Variants in ZNF483 observed in about 807,000 individuals in gnomAD.
ZNF483 encodes the protein zinc finger protein 483.
Under a neutral mutation model 28.6 loss-of-function variants are expected in ZNF483, and 9 were observed. That is an observed-to-expected ratio of 0.32 (90% CI 0.19 to 0.55). The LOEUF (loss-of-function observed/expected upper bound fraction) is 0.55, where lower values mean the gene tolerates loss of function less well. ZNF483 is among the 20% of genes least tolerant of loss of function. ZNF483 has a pLI of 0.93. For synonymous variants in ZNF483, 322 were observed against 306.2 expected (o/e 1.05, Z -0.54); for missense variants, 675 against 871.7 (o/e 0.77, Z 2.84).
chr9:111,574,819 AGTG>A, intron 5 of ZNF483: 1 of 1,613,812 alleles, frequency 6.2e-7, no homozygotes, highest in Non-Finnish European at 8.5e-7. Context: ...GGCCGATAAC[AGTG>A]TTTGAAAACT....
chr9:111,560,984 G>T lies in ZNF483; in HGVS notation c.722-15381G>T, dbSNP rs541508463. On this transcript the variant is annotated intron_variant, in intron 5 of 5. Coordinates refer to the ZNF483 transcript ENST00000358151. ...ATATATATATATATATAGAGAGAGA[G>T]AGAGAGAGAGAGAGAGAGAGAGAGA... 2.1e-3 allele frequency among the ~76,000 whole-genome samples: 127 copies of T among 60,820 alleles called. 2 individuals carry two copies. Among genetic ancestry groups the T allele is most frequent in the East Asian group, 6.1e-3 (9 of 1,470 alleles). 39.9% of individuals were successfully genotyped at this position (60,820 alleles called of 152,430 possible).
chr9:111,558,971 T>G (rs1038795118), downstream of ZNF483, among the ~76,000 whole-genome samples: 3 of 152,044 alleles, frequency 2.0e-5, no homozygotes. Context: ...CTGCAGATGC[T>G]CCTCCATTCC....
At chr9:111,575,769 T>C (rs981271903) in intron 5 of ZNF483, among the ~76,000 whole-genome samples, 2 of 152,142 alleles carry the variant, frequency 1.3e-5, no homozygotes, top group Non-Finnish European at 2.9e-5. Flanking sequence ...TAGACCTGAA[T>C]GTAACAGCTA....
chr9:111,560,667 C>T (rs1295223786), intron 5 of ZNF483, among the ~76,000 whole-genome samples: 10 of 139,300 alleles, frequency 7.2e-5, no homozygotes, highest in African/African-American at 1.3e-4. Flanking sequence ...AAAGGCACCA[C>T]GCACGGTGGT....
Position 111,542,831 on chromosome 9 carries a change from A to G in ZNF483, c.1896A>G (p.Glu632=), listed in dbSNP as rs1827708001. The change falls in exon 6 of 6, where the codon GAA becomes GAG. Residue 632 remains glutamate (E), a synonymous_variant. Coordinates refer to ENST00000309235, the MANE Select transcript of ZNF483 (RefSeq NM_133464.5). This position sits in a 1 kb window ranked among gnomAD's most constrained non-coding sequence, Gnocchi z 6.2. ...VIYHQRLHSG[E]KPYKCNQCEK... The stretch of plus-strand genomic sequence containing the variant: ...ATCATCAAAGACTTCATTCAGGAGA[A>G]AAACCCTACAAATGTAACCAGTGTG... 6.2e-7 allele frequency: 1 copy of G among 1,614,176 alleles called. No individual in the cohort carries two copies. The highest frequency in any genetic ancestry group is 1.7e-5 in the Admixed American group (1 of 60,020).
In ZNF483 at chr9:111,561,362, G is replaced by A. The variant is rs150530424; in HGVS notation, c.722-15003G>A. ...ACAGTCACAGGTCACTGCAACCTCA[G>A]ACTCCTGGTCTCAAGTGATCCTCCT... On this transcript the variant is annotated intron_variant, in intron 5 of 5. Coordinates refer to the ZNF483 transcript ENST00000358151. 5.9e-4 allele frequency among the ~76,000 whole-genome samples: 89 copies of A among 152,016 alleles called. No individual in the cohort carries two copies. The East Asian group carries it at 0.016, about 28-fold the overall frequency.
intron 5 of ZNF483, among the ~76,000 whole-genome samples, chr9:111,565,087 G>A (rs1467693650): frequency 6.6e-6 from 1 of 152,048 alleles, no homozygotes; most frequent in Non-Finnish European, 1.5e-5. Context: ...TCGCACCATT[G>A]CACCCCAGCC....
intron 5 of ZNF483, chr9:111,574,517 T>C: frequency 3.2e-6 from 1 of 308,260 alleles, no homozygotes; most frequent in South Asian, 4.7e-5. Context: ...CCCAGCTTAT[T>C]TTTGTATTTT....
At chr9:111,540,181 G>A (rs191647894) in intron 5 of ZNF483, among the ~76,000 whole-genome samples, 10 of 151,970 alleles carry the variant, frequency 6.6e-5, no homozygotes, top group Non-Finnish European at 1.5e-4. Context: ...AGTAAAATGG[G>A]AAATAATCAT....
rs578064545 is a variant in ZNF483 at position 111,544,347 on chromosome 9, C to CGTGTGTGTGTGTGT, written c.*1177_*1178insGTGTGTGTGTGTGT. On this transcript the variant is annotated 3_prime_UTR_variant, in exon 6 of 6. Coordinates refer to ENST00000309235, the MANE Select transcript of ZNF483 (RefSeq NM_133464.5). ...ATAACAATTTGCTTGGGTGTGTGTGCATGTGTGTGTGTGTGTGTGTGTGTG... is the reference window on the plus strand; with the variant it reads ...ATAACAATTTGCTTGGGTGTGTGTGCGTGTGTGTGTGTGTATGTGTGTGTGTGTGTGTGTGTGTG... The CGTGTGTGTGTGTGT allele has an allele frequency of 1.3e-6, 1 of 781,802 alleles. No homozygotes were observed. Among genetic ancestry groups the CGTGTGTGTGTGTGT allele is most frequent in the African/African-American group, 2.5e-5 (1 of 39,832 alleles). The allele number at this position is 781,802 out of a possible 1,614,324, so 48.4% of individuals were successfully genotyped here. A position where few individuals can be genotyped will look rare whatever the true frequency, so the allele number is the denominator to read the frequency against.
Position 111,543,467 on chromosome 9 carries a change from G to C in ZNF483, c.*297G>C. 1 of 1,095,426 alleles carries C rather than the reference G, an allele frequency of 9.1e-7. No homozygotes were observed. The highest frequency in any genetic ancestry group is 1.1e-6 in the Non-Finnish European group (1 of 900,158). The allele number at this position is 1,095,426 out of a possible 1,614,324, so 67.9% of individuals were successfully genotyped here. A position where few individuals can be genotyped will look rare whatever the true frequency, so the allele number is the denominator to read the frequency against. On this transcript the variant is annotated 3_prime_UTR_variant, in exon 6 of 6. Transcript: ENST00000309235. ...CTCTGATTTCTTCTACTACCATGTA[G>C]TGTGATGGAGAGAACTTGACTGCAG...
intron 5 of ZNF483, chr9:111,574,770 T>C: frequency 6.2e-7 from 1 of 1,614,018 alleles, no homozygotes; most frequent in Middle Eastern, 1.7e-4. Context: ...TATGTAGAGA[T>C]GGCTCCACAT....
chr9:111,533,771 C>T lies in ZNF483; in HGVS notation c.534C>T (p.Asn178=), dbSNP rs770234408. ...ESITLKDVAV[N]FSRGEWKKLE... is the part of the protein sequence containing the mutation. ...TAACATTGAAGGATGTAGCTGTGAA[C>T]TTTTCAAGAGGAGAGTGGAAGAAGC... is the stretch of plus-strand genomic sequence containing the variant. Residue 178 remains asparagine (N), a synonymous_variant, in exon 4 of 6, where the codon AAC becomes AAT. Transcript: ENST00000309235. 2.5e-6 allele frequency: 4 copies of T among 1,585,684 alleles called. No homozygotes were observed. Among genetic ancestry groups the T allele is most frequent in the Non-Finnish European group, 3.4e-6 (4 of 1,171,684 alleles).
At chr9:111,535,014 C>T (rs538023023) in intron 5 of ZNF483, among the ~76,000 whole-genome samples, 6 of 152,180 alleles carry the variant, frequency 3.9e-5, no homozygotes, top group Non-Finnish European at 5.9e-5. Flanking sequence ...TGAGCCACCA[C>T]GCCCGGCTGC....
At chr9:111,567,489 G>A (rs193182631) in intron 5 of ZNF483, among the ~76,000 whole-genome samples, 117 of 152,198 alleles carry the variant, frequency 7.7e-4, no homozygotes, top group African/African-American at 2.1e-3. Flanking sequence ...CAGTCCAGAC[G>A]GCACTTTTTA....
rs1827963552 is a variant in ZNF483 at position 111,551,740 on chromosome 9, C to CT, written c.*8574dup. Among the ~76,000 whole-genome samples the CT allele has an allele frequency of 1.3e-5, 2 of 152,282 alleles. No individual in the cohort carries two copies. The highest frequency in any genetic ancestry group is 4.8e-5 in the African/African-American group (2 of 41,572). The stretch of plus-strand genomic sequence containing the variant: ...AAAATTTGCATCCACATTAACAAAA[C>CT]TTTTATTAGAAAAATTCATTTAATA... On this transcript the variant is annotated 3_prime_UTR_variant, in exon 6 of 6. Transcript: ENST00000309235.
In ZNF483 at chr9:111,542,539, G is replaced by C; in HGVS notation, c.1604G>C (p.Ser535Thr). The change falls in exon 6 of 6, where the codon AGT (serine) becomes ACT (threonine). Residue 535 changes from serine to threonine, a missense_variant. Ser to Thr is a moderately conservative substitution (Grantham distance 58, BLOSUM62 1). Coordinates refer to ENST00000309235, the MANE Select transcript of ZNF483 (RefSeq NM_133464.5). The surrounding 1 kb of genome is among the most constrained non-coding windows in gnomAD (Gnocchi z 6.2). The stretch of plus-strand genomic sequence containing the variant: ...GACTGTGGGAGACCCTTTAGTGACA[G>C]TTCATCTCTTATTCAACATCAGCGA... ...CKDCGRPFSD[S>T]SSLIQHQRIH... The C allele has an allele frequency of 6.2e-7, 1 of 1,614,070 alleles. No homozygotes were observed. Among genetic ancestry groups the C allele is most frequent in the Non-Finnish European group, 8.5e-7 (1 of 1,180,020 alleles).
intron 5 of ZNF483, chr9:111,562,866 C>G: frequency 2.7e-6 from 3 of 1,110,246 alleles, no homozygotes; most frequent in Non-Finnish European, 3.5e-6. Flanking sequence ...AATTTTCACA[C>G]TTCAAAGCCA....
At position 111,576,499 on chromosome 9, in the gene ZNF483, G is replaced by A. The variant is rs943869869; in HGVS notation, c.*85G>A. On this transcript the variant is annotated 3_prime_UTR_variant, in exon 6 of 6. Coordinates refer to the ZNF483 transcript ENST00000358151. ...CTGCAGTGCAGTTCAAGAGGCTCTG[G>A]TTCGGGGAAGAGCTGGATGGAGTAT... The A allele has an allele frequency of 2.5e-6, 4 of 1,572,692 alleles. No individual in the cohort carries two copies. The African/African-American group carries it at 5.4e-5, about 21-fold the overall frequency.
Sources: allele counts gnomAD v4.1 joint callset (sites outside exome capture counted in the v4.1 genomes callset), GRCh38; gene constraint gnomAD v4.1.1; non-coding constraint Gnocchi (gnomAD v3.1); transcripts MANE v1.5; gene names NCBI Gene and HGNC (gene_info 2026-07-23, HGNC 2026-07-21).